The following PPP2R5A variants were observed in gnomAD, a reference collection of about 807,000 sequenced individuals.
PPP2R5A encodes the protein protein phosphatase 2 regulatory subunit B'alpha, also known as serine/threonine-protein phosphatase 2A 56 kDa regulatory subunit alpha isoform.
In PPP2R5A, 25 loss-of-function variants were observed where a neutral mutation model predicts 64.2. That is an observed-to-expected ratio of 0.39 (90% CI 0.28 to 0.54). The LOEUF is 0.54. PPP2R5A is among the 20% of genes least tolerant of loss of function. PPP2R5A has a pLI of 0.67. For missense variants in PPP2R5A, 425 were observed against 576.3 expected (o/e 0.74, Z 2.69); for synonymous variants, 198 against 201.2 (o/e 0.98, Z 0.13).
chr1:212,346,032 C>T (rs2102443106), intron 5 of PPP2R5A, 99 bp downstream of exon 5: 3 of 1,200,092 alleles, frequency 2.5e-6, no homozygotes, highest in Non-Finnish European at 3.4e-6. Context: ...GACAGGGTCT[C>T]ACTCTGTCAT....
At chr1:212,356,776 A>G (rs763940063) in intron 9 of PPP2R5A, 100 bp downstream of exon 9, 1 of 1,388,370 alleles carries the variant, frequency 7.2e-7, no homozygotes, top group Non-Finnish European at 9.9e-7. Context: ...CTGTTGCTAA[A>G]GAGCGGGAGA....
At chr1:212,351,650 A>G (rs968230200) in intron 8 of PPP2R5A, among the ~76,000 whole-genome samples, 2 of 152,062 alleles carry the variant, frequency 1.3e-5, no homozygotes, top group Non-Finnish European at 2.9e-5. Context: ...AATGGCTTGA[A>G]CCCAGGAGGG....
intron 1 of PPP2R5A, among the ~76,000 whole-genome samples, chr1:212,304,879 C>T (rs1232436693): frequency 1.3e-5 from 2 of 151,388 alleles, no homozygotes; most frequent in African/African-American, 2.4e-5. Flanking sequence ...ACTACAGGCA[C>T]ACACCACCAT....
At chr1:212,309,573 T>C (rs1337016299) in intron 1 of PPP2R5A, 1 of 698,446 alleles carries the variant, frequency 1.4e-6, no homozygotes, top group African/African-American at 1.8e-5. Flanking sequence ...TTTGAACATA[T>C]ATAATGACTA....
At chr1:212,293,356 T>A (rs972730562) in intron 1 of PPP2R5A, among the ~76,000 whole-genome samples, 1 of 152,202 alleles carries the variant, frequency 6.6e-6, no homozygotes, top group African/African-American at 2.4e-5. Flanking sequence ...TTGCAGTAAT[T>A]TCTAAGTTTA....
At chr1:212,299,868 A>G (rs1488703169) in intron 1 of PPP2R5A, among the ~76,000 whole-genome samples, 2 of 149,502 alleles carry the variant, frequency 1.3e-5, no homozygotes, top group Admixed American at 6.7e-5. Context: ...GCTGGAGTAC[A>G]GTGGTATGAT....
intron 1 of PPP2R5A, among the ~76,000 whole-genome samples, chr1:212,307,982 C>T (rs184038444): frequency 1.2e-3 from 177 of 152,152 alleles, no homozygotes; most frequent in African/African-American, 4.1e-3. Flanking sequence ...AAGTTATCTT[C>T]TTGCCTCAGA....
chr1:212,330,397 A>C (rs1001583897), intron 2 of PPP2R5A, among the ~76,000 whole-genome samples: 7 of 152,044 alleles, frequency 4.6e-5, no homozygotes, highest in African/African-American at 1.7e-4. Flanking sequence ...TAAAAATATT[A>C]GCTAGGCATG....
At chr1:212,311,564 T>C (rs1231874400) in intron 1 of PPP2R5A, among the ~76,000 whole-genome samples, 2 of 152,118 alleles carry the variant, frequency 1.3e-5, no homozygotes, top group African/African-American at 2.4e-5. Flanking sequence ...ACTATTTTTA[T>C]CATTATTTTA....
intron 1 of PPP2R5A, among the ~76,000 whole-genome samples, chr1:212,293,446 T>G (rs911361607): frequency 5.3e-5 from 8 of 152,224 alleles, no homozygotes; most frequent in African/African-American, 1.9e-4. Flanking sequence ...TTTTAGTGTA[T>G]TATTATGTAA....
intron 12 of PPP2R5A, 111 bp from the exon 13 acceptor site, chr1:212,360,527 G>C: frequency 1.1e-6 from 1 of 944,014 alleles, no homozygotes; most frequent in Non-Finnish European, 1.5e-6. Context: ...TTAGCAGAGG[G>C]ATTTAAGTGA....
At chr1:212,311,394 G>A (rs1238058062) in intron 1 of PPP2R5A, among the ~76,000 whole-genome samples, 1 of 152,060 alleles carries the variant, frequency 6.6e-6, no homozygotes, top group Non-Finnish European at 1.5e-5. Context: ...GCATGAACCC[G>A]GGAGGCGGAG....
At chr1:212,333,426 A>C (rs1659540735) in intron 2 of PPP2R5A, 71 bp from the exon 3 acceptor site, 3 of 997,026 alleles carry the variant, frequency 3.0e-6, no homozygotes, top group Non-Finnish European at 4.2e-6. Context: ...GATCTTTAAA[A>C]TACTTCGTTT....
At chr1:212,353,848 C>G (rs970991487) in intron 8 of PPP2R5A, among the ~76,000 whole-genome samples, 1 of 152,110 alleles carries the variant, frequency 6.6e-6, no homozygotes, top group Non-Finnish European at 1.5e-5. Flanking sequence ...TGAACCACCT[C>G]ACTTATTTAC....
chr1:212,343,626 G>A (rs1033361147), intron 4 of PPP2R5A, among the ~76,000 whole-genome samples: 11 of 152,128 alleles, frequency 7.2e-5, no homozygotes, highest in African/African-American at 1.7e-4. Context: ...GAAATATTAG[G>A]TGTGTATTAA....
intron 8 of PPP2R5A, among the ~76,000 whole-genome samples, chr1:212,351,105 A>C (rs372215741): frequency 0.1 from 14,936 of 147,144 alleles, 2,420 homozygotes; most frequent in African/African-American, 0.34. Flanking sequence ...GATGACACAA[A>C]AAAAAAAACA....
rs1658478513 is a variant in PPP2R5A, at chr1:212,285,617, T to C, written c.-494T>C. 6.6e-6 allele frequency: 1 copy of C among 152,408 alleles called. No homozygotes were observed. The highest frequency in any genetic ancestry group is 1.5e-5 in the Non-Finnish European group (1 of 68,288). The allele number at this position is 152,408 out of a possible 1,614,324, so 9.4% of individuals were successfully genotyped here. On this transcript the variant is annotated 5_prime_UTR_variant, in exon 1 of 13. Coordinates refer to ENST00000261461, the MANE Select transcript of PPP2R5A (RefSeq NM_006243.4). ...CCGGGAAGAGCGGGCACCGCGGCAG[T>C]GGCTCCGAGGGGACCCGCGATGGCA... is the stretch of plus-strand genomic sequence containing the variant.
Position 212,348,495 on chromosome 1 carries a change from C to A in PPP2R5A, c.871C>A (p.Gln291Lys). ...AAAAGGATTAGCTTTGTTTCATGCT[C>A]AGGTAAGTTTCAGAAACATTTCAGA... ...TAKGLALFHA[Q>K]LAYCVVQFLE... is the part of the protein sequence containing the mutation. Residue 291 changes from glutamine (Q) to lysine (K), a missense_variant and splice_region_variant, in exon 7 of 13, where the codon CAG becomes AAG. Physicochemically the swap from Gln to Lys is moderately conservative, Grantham distance 53 (BLOSUM62 1). Around this residue, in one of 4 missense-constraint regions of PPP2R5A, gnomAD observed 177 missense variants for 244.8 expected, o/e 0.72. Transcript: ENST00000261461. 1 of 1,563,546 alleles carries A rather than the reference C, an allele frequency of 6.4e-7. No individual in the cohort carries two copies. The highest frequency in any genetic ancestry group is 1.1e-5 in the South Asian group (1 of 88,060).
At chr1:212,338,545 G>A (rs1659628297) in intron 3 of PPP2R5A, among the ~76,000 whole-genome samples, 1 of 152,152 alleles carries the variant, frequency 6.6e-6, no homozygotes, top group Admixed American at 6.5e-5. Flanking sequence ...GCTGAGGCAG[G>A]TGGATCATGA....
Sources: allele counts gnomAD v4.1 joint callset (sites outside exome capture counted in the v4.1 genomes callset), GRCh38; gene constraint gnomAD v4.1.1; regional missense constraint gnomAD v4.1.1; transcripts MANE v1.5; gene names NCBI Gene and HGNC (gene_info 2026-07-23, HGNC 2026-07-21).